The following ARB2A variants were observed in gnomAD, a reference collection of about 807,000 sequenced individuals.
ARB2A encodes ARB2 cotranscriptional regulator A.
At chr5:93,815,625 T>G in the ARB2A span, among the ~76,000 whole-genome samples, 1 of 152,210 alleles carries the variant, frequency 6.6e-6, no homozygotes, top group African/African-American at 2.4e-5. Flanking sequence ...GATCCCATTT[T>G]GAAACTCCCA....
the ARB2A span, among the ~76,000 whole-genome samples, chr5:93,728,888 A>G: frequency 6.6e-6 from 1 of 152,266 alleles, no homozygotes; most frequent in African/African-American, 2.4e-5. Context: ...AAAGACTGAT[A>G]TATTAATCTT....
the ARB2A span, among the ~76,000 whole-genome samples, chr5:93,744,609 T>C: frequency 6.6e-6 from 1 of 152,212 alleles, no homozygotes; most frequent in South Asian, 2.1e-4. Context: ...GAAAAGCCCA[T>C]ATTCTTAAGG....
chr5:93,805,457 A>C, the ARB2A span: 1 of 985,116 alleles, frequency 1.0e-6, no homozygotes, highest in Non-Finnish European at 1.2e-6. Flanking sequence ...CTTCAGACTC[A>C]GATCACCATT....
the ARB2A span, among the ~76,000 whole-genome samples, chr5:93,838,703 T>A: frequency 6.6e-6 from 1 of 152,158 alleles, no homozygotes; most frequent in East Asian, 1.9e-4. Context: ...TCTGTTTGAG[T>A]CATCTTTGAT....
the ARB2A span, among the ~76,000 whole-genome samples, chr5:93,985,739 G>A: frequency 6.6e-6 from 1 of 152,166 alleles, no homozygotes; most frequent in Non-Finnish European, 1.5e-5. Context: ...ATGTTGCCCA[G>A]GCTGGAGTGC....
the ARB2A span, among the ~76,000 whole-genome samples, chr5:93,836,061 TC>T: frequency 1.3e-5 from 2 of 152,180 alleles, no homozygotes; most frequent in Non-Finnish European, 2.9e-5. Flanking sequence ...GGAGTCTCGC[TC>T]TGTCGCCCAG....
At chr5:93,989,597 C>G in the ARB2A span, among the ~76,000 whole-genome samples, 1 of 151,820 alleles carries the variant, frequency 6.6e-6, no homozygotes, top group Non-Finnish European at 1.5e-5. Context: ...CCCTGTGGAC[C>G]AAAAGGAAAA....
the ARB2A span, among the ~76,000 whole-genome samples, chr5:94,056,438 C>T: frequency 6.6e-6 from 1 of 152,072 alleles, no homozygotes; most frequent in Non-Finnish European, 1.5e-5. Context: ...TGTAAAGTTG[C>T]ATTTTACCCT....
the ARB2A span, among the ~76,000 whole-genome samples, chr5:93,999,895 A>C: frequency 7.2e-5 from 11 of 152,050 alleles, no homozygotes; most frequent in Non-Finnish European, 1.3e-4. Context: ...AATACCATAT[A>C]TTTGGAACCA....
the ARB2A span, among the ~76,000 whole-genome samples, chr5:93,953,335 T>TTA: frequency 6.6e-6 from 1 of 152,104 alleles, no homozygotes; most frequent in Non-Finnish European, 1.5e-5. Context: ...GGGTATTGTG[T>TTA]TATATGTTTT....
chr5:93,764,588 A>G, the ARB2A span, among the ~76,000 whole-genome samples: 1 of 152,202 alleles, frequency 6.6e-6, no homozygotes, highest in Non-Finnish European at 1.5e-5. Flanking sequence ...AGGACCAGAC[A>G]GATTCACAGC....
the ARB2A span, chr5:93,805,791 C>T: frequency 1.0e-6 from 1 of 985,096 alleles, no homozygotes; most frequent in Non-Finnish European, 1.2e-6. Context: ...TCGTTCAGTC[C>T]TATAAACGGT....
the ARB2A span, among the ~76,000 whole-genome samples, chr5:93,648,827 C>G: frequency 6.6e-6 from 1 of 152,104 alleles, no homozygotes; most frequent in Non-Finnish European, 1.5e-5. Context: ...TTCTTTATTC[C>G]TAAAGCCAGA....
the ARB2A span, chr5:93,741,283 C>A: frequency 1.9e-5 from 31 of 1,613,726 alleles, no homozygotes; most frequent in Non-Finnish European, 2.6e-5. Flanking sequence ...TTCGGAGGGG[C>A]GTCGCAACCA....
At chr5:93,957,048 CA>C in the ARB2A span, among the ~76,000 whole-genome samples, 1 of 152,034 alleles carries the variant, frequency 6.6e-6, no homozygotes, top group Admixed American at 6.5e-5. Flanking sequence ...AAAATCAAGA[CA>C]GTGAAATGCT....
the ARB2A span, among the ~76,000 whole-genome samples, chr5:93,790,802 G>A: frequency 1.3e-5 from 2 of 152,162 alleles, no homozygotes; most frequent in Non-Finnish European, 2.9e-5. Flanking sequence ...ATGTCCAGAG[G>A]AAGGCAGTAT....
chr5:93,683,268 C>A, the ARB2A span: 9 of 1,590,192 alleles, frequency 5.7e-6, no homozygotes, highest in African/African-American at 8.1e-5. Context: ...TTCTGTGGAA[C>A]CTTGCTACCA....
At chr5:93,828,267 T>C in the ARB2A span, among the ~76,000 whole-genome samples, 9 of 152,330 alleles carry the variant, frequency 5.9e-5, no homozygotes, top group South Asian at 4.1e-4. Context: ...TTTCATTTCA[T>C]TGAGCAGTGG....
chr5:94,091,759 C>T, the ARB2A span, among the ~76,000 whole-genome samples: 21 of 152,206 alleles, frequency 1.4e-4, no homozygotes, highest in South Asian at 6.2e-4. Context: ...AGATTGTGGA[C>T]GCTCACTTAG....
Sources: gnomAD v4.1 joint callset for allele counts (sites outside exome capture counted in the v4.1 genomes callset) on GRCh38, gnomAD v4.1.1 for gene constraint, MANE v1.5 for transcripts, NCBI Gene and HGNC (gene_info 2026-07-23, HGNC 2026-07-21) for gene names.